Variants in PTPRC observed in about 807,000 individuals in gnomAD.
PTPRC encodes the protein receptor-type tyrosine-protein phosphatase C.
PTPRC carries 44 observed loss-of-function variants against 155.9 expected under a neutral mutation model. That is an observed-to-expected ratio of 0.28 (90% confidence interval 0.22 to 0.36). PTPRC has a LOEUF of 0.36. PTPRC is among the 10% of genes least tolerant of loss of function. PTPRC has a pLI of 1.00. For synonymous variants in PTPRC, 525 were observed against 533.1 expected (o/e 0.98, Z 0.21); for missense variants, 1,401 against 1,564.6 (o/e 0.90, Z 1.76).
At chr1:198,703,260 A>G (rs1319780319) in intron 6 of PTPRC, 38 bp from the exon 7 acceptor site, 2 of 1,611,052 alleles carry the variant, frequency 1.2e-6, no homozygotes, top group East Asian at 2.2e-5. Flanking sequence ...AATATAACGA[A>G]TTAATTAGCT....
chr1:198,708,613 C>T (rs1387821080), intron 10 of PTPRC, among the ~76,000 whole-genome samples: 3 of 152,036 alleles, frequency 2.0e-5, no homozygotes, highest in Non-Finnish European at 4.4e-5. Flanking sequence ...AATGATAATA[C>T]ACAAACTCTG....
Position 198,749,469 on chromosome 1 carries a change from G to A in PTPRC, c.2992G>A (p.Glu998Lys), listed in dbSNP as rs759469850. The A allele has an allele frequency of 6.2e-7, 1 of 1,609,802 alleles. No homozygotes were observed. The highest frequency in any genetic ancestry group is 8.5e-7 in the Non-Finnish European group (1 of 1,177,128). Residue 998 changes from glutamate (E) to lysine (K), a missense_variant, in exon 28 of 33, where the codon GAG (glutamate) becomes AAG (lysine). Around this residue, in one of 3 missense-constraint regions of PTPRC, gnomAD observed 400 missense variants for 389.5 expected, o/e 1.03. Transcript: ENST00000442510. ...TGAGCTGGAAATGAGTAAAGAGAGT[G>A]AGCATGATTCAGATGAATCCTCTGA... ...KHELEMSKESEHDSDESSDDD... is the reference protein window; with the variant it reads ...KHELEMSKESKHDSDESSDDD...
intron 2 of PTPRC, among the ~76,000 whole-genome samples, chr1:198,671,955 C>T (rs561049697): frequency 2.0e-5 from 3 of 152,324 alleles, no homozygotes; most frequent in African/African-American, 4.8e-5. Flanking sequence ...ATCCATATCT[C>T]TGCATTTTTC....
At position 198,748,123 on chromosome 1, in the gene PTPRC, T is replaced by C. The variant is rs1390486466; in HGVS notation, c.2862T>C (p.Tyr954=). The change falls in exon 27 of 33, where the codon TAT becomes TAC. Residue 954 remains tyrosine (Y), a synonymous_variant. Coordinates refer to ENST00000442510, the MANE Select transcript of PTPRC (RefSeq NM_002838.5). ...LEAEFQRLPS[Y]RSWRTQHIGN... ...TTTTTTTTCAGAGACTTCCTTCATA[T>C]AGGAGCTGGAGGACACAGCACATTG... The C allele has an allele frequency of 7.5e-6, 12 of 1,596,602 alleles. No individual in the cohort carries two copies. The highest frequency in any genetic ancestry group is 1.4e-5 in the African/African-American group (1 of 73,594).
Position 198,704,514 on chromosome 1 carries a change from T to A in PTPRC, c.685+16T>A, listed in dbSNP as rs1666626484. The A allele has an allele frequency of 6.2e-7, 1 of 1,614,048 alleles. No individual in the cohort carries two copies. Among genetic ancestry groups the A allele is most frequent in the African/African-American group, 1.3e-5 (1 of 75,058 alleles). On this transcript the variant is annotated intron_variant, in intron 8 of 32. Coordinates refer to ENST00000442510, the MANE Select transcript of PTPRC (RefSeq NM_002838.5). ...CCAACATGTGGTAAGTTTATTTACTTAGAATCAGCATACCTCACTTTGGAA... is the reference window on the plus strand; with the variant it reads ...CCAACATGTGGTAAGTTTATTTACTAAGAATCAGCATACCTCACTTTGGAA...
At chr1:198,754,931 A>G (rs960895150) in intron 32 of PTPRC, among the ~76,000 whole-genome samples, 5 of 152,118 alleles carry the variant, frequency 3.3e-5, no homozygotes, top group Non-Finnish European at 7.4e-5. Context: ...TGTGGCTGCC[A>G]TTTAGCTATG....
chr1:198,743,442 G>C (rs1655004546), intron 25 of PTPRC, among the ~76,000 whole-genome samples: 1 of 151,836 alleles, frequency 6.6e-6, no homozygotes, highest in Admixed American at 6.6e-5. Flanking sequence ...ACAGTGGAAA[G>C]ACAGTGCCAA....
intron 14 of PTPRC, among the ~76,000 whole-genome samples, chr1:198,721,235 T>A (rs945500155): frequency 2.0e-5 from 3 of 152,252 alleles, no homozygotes; most frequent in Admixed American, 2.0e-4. Flanking sequence ...TTCAGCTTTT[T>A]CACCATTGTG....
Position 198,708,274 on chromosome 1 carries a change from C to G in PTPRC, c.1033+13C>G. The stretch of plus-strand genomic sequence containing the variant: ...AGATTTCAGTGTGGTAAGAATATAA[C>G]ATTGACCAGAGAATTTTTTTTTGTG... On this transcript the variant is annotated intron_variant, in intron 10 of 32. Coordinates refer to ENST00000442510, the MANE Select transcript of PTPRC (RefSeq NM_002838.5). 2 of 1,599,366 alleles carry G rather than the reference C, an allele frequency of 1.3e-6. No homozygotes were observed. Among genetic ancestry groups the G allele is most frequent in the Non-Finnish European group, 1.7e-6 (2 of 1,169,696 alleles).
chr1:198,677,139 G>A (rs756387260), intron 2 of PTPRC, among the ~76,000 whole-genome samples: 5 of 152,130 alleles, frequency 3.3e-5, no homozygotes, highest in African/African-American at 4.8e-5. Context: ...AACATTACCC[G>A]TGGGCCTGCT....
At chr1:198,683,601 C>T (rs998191653) in intron 2 of PTPRC, among the ~76,000 whole-genome samples, 5 of 151,952 alleles carry the variant, frequency 3.3e-5, no homozygotes, top group South Asian at 4.1e-4. Flanking sequence ...ACCCTTGTTT[C>T]CATCATAATC....
intron 18 of PTPRC, among the ~76,000 whole-genome samples, 173 bp from the exon 19 acceptor site, chr1:198,732,126 GT>G (rs201880025): frequency 0.011 from 1,584 of 148,060 alleles, 24 homozygotes; most frequent in African/African-American, 0.035. Flanking sequence ...TAAGAAAAAA[GT>G]TTTTTTTTTA....
At chr1:198,734,901 A>G (rs192857288) in intron 22 of PTPRC, among the ~76,000 whole-genome samples, 215 of 151,812 alleles carry the variant, frequency 1.4e-3, no homozygotes, top group African/African-American at 4.7e-3. Context: ...CTAAGCCTGG[A>G]AAGATCATCC....
At chr1:198,644,236 A>G (rs1662807738) in intron 2 of PTPRC, among the ~76,000 whole-genome samples, 1 of 151,926 alleles carries the variant, frequency 6.6e-6, no homozygotes, top group South Asian at 2.1e-4. Flanking sequence ...TAGTCTAAAT[A>G]TCTTTGTAAG....
At chr1:198,694,329 G>A (rs1666087563) in intron 3 of PTPRC, 1 of 248,664 alleles carries the variant, frequency 4.0e-6, no homozygotes, top group African/African-American at 2.4e-5. Context: ...GTGGGGGTGG[G>A]GGGGTTGGGG....
At chr1:198,752,493 A>T in intron 30 of PTPRC, 101 bp from the exon 31 acceptor site, 1 of 1,514,690 alleles carries the variant, frequency 6.6e-7, no homozygotes. Context: ...AACATTTTAA[A>T]ATTATTTAAA....
chr1:198,737,305 A>C (rs1382121412), intron 23 of PTPRC, among the ~76,000 whole-genome samples: 2 of 151,584 alleles, frequency 1.3e-5, no homozygotes, highest in East Asian at 3.9e-4. Context: ...ATTTTCTTTT[A>C]GTAGTTTCAT....
chr1:198,749,021 G>C (rs946239312), intron 27 of PTPRC, among the ~76,000 whole-genome samples: 36 of 151,526 alleles, frequency 2.4e-4, no homozygotes, highest in Non-Finnish European at 1.5e-4. Context: ...ACCCATATAA[G>C]ATTGTTAATT....
Position 198,755,895 on chromosome 1 carries a change from T to A in PTPRC, c.3646-11T>A, listed in dbSNP as rs745899336. ...TTCTTCATGTAATTTCCCACTTAAT[T>A]CCTTTACTAGGAGCAATATCAATTC... On this transcript the variant is annotated splice_polypyrimidine_tract_variant and intron_variant, in intron 32 of 32. Coordinates refer to ENST00000442510, the MANE Select transcript of PTPRC (RefSeq NM_002838.5). 2 of 1,603,654 alleles carry A rather than the reference T, an allele frequency of 1.2e-6. No individual in the cohort carries two copies. Among genetic ancestry groups the A allele is most frequent in the Non-Finnish European group, 1.7e-6 (2 of 1,171,196 alleles).
Sources: gnomAD v4.1 joint callset for allele counts (sites outside exome capture counted in the v4.1 genomes callset) on GRCh38, gnomAD v4.1.1 for gene constraint, gnomAD v4.1.1 regional missense constraint, MANE v1.5 for transcripts, NCBI Gene and HGNC (gene_info 2026-07-23, HGNC 2026-07-21) for gene names.